Variants in FAM168A observed in about 807,000 individuals in gnomAD.
FAM168A encodes protein FAM168A.
FAM168A carries 3 observed loss-of-function variants against 28.5 expected under a neutral mutation model. That is an observed-to-expected ratio of 0.11 (90% CI 0.05 to 0.27). The LOEUF is 0.27. FAM168A is among the 10% of genes least tolerant of loss of function. The pLI is 1.00. For missense variants in FAM168A, 222 were observed against 311.5 expected, an observed-to-expected ratio of 0.71 and a Z score of 2.16; for synonymous variants, 122 against 124.2, an observed-to-expected ratio of 0.98 and a Z score of 0.12.
intron 4 of FAM168A, among the ~76,000 whole-genome samples, chr11:73,417,329 C>A (rs1866710737): frequency 6.6e-6 from 1 of 152,160 alleles, no homozygotes; most frequent in South Asian, 2.1e-4. Context: ...GCATGGACAT[C>A]AATTATCCAA....
At chr11:73,565,825 A>G (rs1944014583) in intron 1 of FAM168A, among the ~76,000 whole-genome samples, 1 of 152,324 alleles carries the variant, frequency 6.6e-6, no homozygotes, top group African/African-American at 2.4e-5. Context: ...GCTGCAATTA[A>G]GAGGATTCCA....
chr11:73,453,596 A>G (rs974792258), intron 2 of FAM168A, among the ~76,000 whole-genome samples: 2 of 152,260 alleles, frequency 1.3e-5, no homozygotes, highest in South Asian at 4.1e-4. Context: ...ATCTCCTTAA[A>G]GTCTCACGAA....
intron 1 of FAM168A, among the ~76,000 whole-genome samples, chr11:73,484,680 C>A (rs568127254): frequency 1.1e-4 from 14 of 131,170 alleles, no homozygotes; most frequent in African/African-American, 3.8e-4. Context: ...AGATATGTAT[C>A]GCTATAGATA....
intron 1 of FAM168A, among the ~76,000 whole-genome samples, chr11:73,513,197 T>G (rs961638377): frequency 4.0e-5 from 6 of 149,878 alleles, no homozygotes; most frequent in Non-Finnish European, 8.9e-5. Flanking sequence ...GTTTTGTTTT[T>G]TTTTTTAATT....
intron 1 of FAM168A, among the ~76,000 whole-genome samples, chr11:73,550,197 T>C (rs1398475009): frequency 6.6e-6 from 1 of 152,130 alleles, no homozygotes; most frequent in Non-Finnish European, 1.5e-5. Context: ...AGACAGAAAC[T>C]TAAATTGGAA....
chr11:73,498,768 T>C (rs1590817316), intron 1 of FAM168A, among the ~76,000 whole-genome samples: 1 of 152,174 alleles, frequency 6.6e-6, no homozygotes, highest in South Asian at 2.1e-4. Flanking sequence ...GAGTGCCAGT[T>C]CAGGTCTAAC....
At chr11:73,431,055 A>C (rs79476878) in intron 2 of FAM168A, among the ~76,000 whole-genome samples, 2 of 152,098 alleles carry the variant, frequency 1.3e-5, no homozygotes, top group Non-Finnish European at 2.9e-5. Flanking sequence ...GAAAAAAAAA[A>C]GTAAGTGGCC....
chr11:73,568,985 G>C (rs955530210), intron 1 of FAM168A, among the ~76,000 whole-genome samples: 1 of 151,982 alleles, frequency 6.6e-6, no homozygotes, highest in Non-Finnish European at 1.5e-5. Flanking sequence ...CAATCAAAAA[G>C]AATTCAATAC....
intron 1 of FAM168A, among the ~76,000 whole-genome samples, chr11:73,486,856 T>C (rs1159736288): frequency 6.6e-6 from 1 of 152,234 alleles, no homozygotes; most frequent in East Asian, 1.9e-4. Flanking sequence ...TCATCTGTTT[T>C]GGTATCCCTA....
intron 5 of FAM168A, among the ~76,000 whole-genome samples, chr11:73,410,112 GA>G (rs1050502302): frequency 3.3e-5 from 5 of 151,562 alleles, no homozygotes; most frequent in African/African-American, 4.8e-5. Flanking sequence ...AGTACATGTT[GA>G]AAAAAAATGG....
chr11:73,535,531 T>C (rs1220267771), intron 1 of FAM168A, among the ~76,000 whole-genome samples: 1 of 151,464 alleles, frequency 6.6e-6, no homozygotes, highest in South Asian at 2.1e-4. Context: ...GCCATTCTCC[T>C]GCCTCAGCCT....
chr11:73,519,181 A>G (rs894150966), intron 1 of FAM168A, among the ~76,000 whole-genome samples: 15 of 152,212 alleles, frequency 9.9e-5, no homozygotes, highest in African/African-American at 3.6e-4. Context: ...AGAGGTAGAT[A>G]CTATTTCTCC....
Position 73,580,954 on chromosome 11 carries a change from G to A in FAM168A, c.-19+16969C>T, listed in dbSNP as rs948296486. 1.4e-4 allele frequency among the ~76,000 whole-genome samples: 21 copies of A among 152,196 alleles called. 1 individual carries two copies. The highest frequency in any genetic ancestry group is 4.8e-4 in the African/African-American group (20 of 41,434). On this transcript the variant is annotated intron_variant, in intron 1 of 7. Transcript: ENST00000356467. ...TAATCATTGGTTACCAGTGTGTCAGGCAATCTGGACTTTCCAGTGATGCCA... is the reference window on the plus strand; with the variant it reads ...TAATCATTGGTTACCAGTGTGTCAGACAATCTGGACTTTCCAGTGATGCCA...
chr11:73,584,948 G>A (rs760536928), intron 1 of FAM168A, among the ~76,000 whole-genome samples: 6 of 151,714 alleles, frequency 4.0e-5, no homozygotes, highest in Non-Finnish European at 7.4e-5. Flanking sequence ...ACCAGCCTGG[G>A]CAACATAACG....
At chr11:73,584,602 T>G (rs577739834) in intron 1 of FAM168A, among the ~76,000 whole-genome samples, 1 of 151,066 alleles carries the variant, frequency 6.6e-6, no homozygotes, top group Non-Finnish European at 1.5e-5. Flanking sequence ...GCCTCCGGAA[T>G]AGCCGGGACT....
intron 2 of FAM168A, among the ~76,000 whole-genome samples, chr11:73,459,145 G>A (rs1448041255): frequency 2.6e-5 from 4 of 151,910 alleles, no homozygotes; most frequent in South Asian, 4.2e-4. Context: ...GTGCAGTGGC[G>A]TAATCATGGC....
At chr11:73,571,882 G>A (rs1019689663) in intron 1 of FAM168A, among the ~76,000 whole-genome samples, 2 of 150,342 alleles carry the variant, frequency 1.3e-5, no homozygotes, top group African/African-American at 2.5e-5. Context: ...TGTGGGGAGC[G>A]CCCCTGCCCC....
chr11:73,470,215 T>C (rs1298996039), intron 1 of FAM168A, among the ~76,000 whole-genome samples: 1 of 152,160 alleles, frequency 6.6e-6, no homozygotes, highest in Admixed American at 6.5e-5. Context: ...TGGCCGATCA[T>C]AGATGTTAAA....
At chr11:73,561,070 AAAAC>A (rs1943952784) in intron 1 of FAM168A, among the ~76,000 whole-genome samples, 1 of 142,678 alleles carries the variant, frequency 7.0e-6, no homozygotes. Flanking sequence ...CCAAAAAAAA[AAAAC>A]AAAAAACAAA....
Sources: gnomAD v4.1 joint callset for allele counts (sites outside exome capture counted in the v4.1 genomes callset) on GRCh38, gnomAD v4.1.1 for gene constraint, MANE v1.5 for transcripts, NCBI Gene and HGNC (gene_info 2026-07-23, HGNC 2026-07-21) for gene names.